Variants in VPS13A observed in about 807,000 individuals in gnomAD.
VPS13A encodes the protein intermembrane lipid transfer protein VPS13A.
VPS13A carries 264 observed loss-of-function variants against 390.9 expected under a neutral mutation model. That is an observed-to-expected ratio of 0.68 (90% confidence interval 0.61 to 0.75). The LOEUF is 0.75. VPS13A is among the 30% of genes least tolerant of loss of function. VPS13A has a pLI of 0.00. For missense variants in VPS13A, 3,409 were observed against 3,733.9 expected (o/e 0.91, Z 2.27); for synonymous variants, 1,231 against 1,227.1 (o/e 1.00, Z -0.07).
chr9:77,253,028 A>T (rs1825230883), intron 22 of VPS13A, among the ~76,000 whole-genome samples: 2 of 152,310 alleles, frequency 1.3e-5, no homozygotes, highest in South Asian at 4.1e-4. Flanking sequence ...ATTATAGTTC[A>T]GTGTTTAAGT....
intron 26 of VPS13A, among the ~76,000 whole-genome samples, chr9:77,279,422 A>C (rs982224774): frequency 1.3e-5 from 2 of 151,730 alleles, no homozygotes; most frequent in Non-Finnish European, 2.9e-5. Context: ...GCCACTCTCC[A>C]CCACTCTTTT....
rs560843158 is a variant in VPS13A, at chr9:77,193,265, C to T, written c.101-6680C>T. Reference sequence around the variant, plus strand: ...TCATTTTACTGGAGTCCTTAAATTCCGTGGATTGGGTTTCAACTTTCTCCC... The same window carrying T: ...TCATTTTACTGGAGTCCTTAAATTCTGTGGATTGGGTTTCAACTTTCTCCC... On this transcript the variant is annotated intron_variant, in intron 1 of 71. Coordinates refer to ENST00000360280, the MANE Select transcript of VPS13A (RefSeq NM_033305.3). Among the ~76,000 whole-genome samples, 14 of 151,706 alleles carry T rather than the reference C, an allele frequency of 9.2e-5. No individual in the cohort carries two copies. The East Asian group carries it at 1.7e-3, about 19-fold the overall frequency.
rs912098322 is a variant in VPS13A, at chr9:77,315,524, G to T, written c.4630+54G>T. The T allele has an allele frequency of 2.0e-6, 3 of 1,527,012 alleles. No individual in the cohort carries two copies. In the African/African-American group the frequency reaches 4.1e-5, roughly 21 times the overall value. The allele number at this position is 1,527,012 out of a possible 1,614,324, so 94.6% of individuals were successfully genotyped here. A position where few individuals can be genotyped will look rare whatever the true frequency, so the allele number is the denominator to read the frequency against. On this transcript the variant is annotated intron_variant, in intron 38 of 71. Transcript: ENST00000360280. ...TTGTTTTATTGAAGTGCTACAACAG[G>T]ACTTAACCTTGATTAGCCTTTTAGA...
intron 67 of VPS13A, among the ~76,000 whole-genome samples, chr9:77,375,400 CATA>C (rs1373877274): frequency 6.6e-6 from 1 of 152,042 alleles, no homozygotes; most frequent in Non-Finnish European, 1.5e-5. Context: ...ATTATTAAAA[CATA>C]ATAAAATGCA....
chr9:77,375,722 A>G (rs529239951), intron 67 of VPS13A, among the ~76,000 whole-genome samples: 2 of 152,346 alleles, frequency 1.3e-5, no homozygotes, highest in Non-Finnish European at 2.9e-5. Flanking sequence ...ACAAAATAAA[A>G]GTAAGTAAAT....
At chr9:77,335,248 C>T (rs1294393713) in intron 46 of VPS13A, among the ~76,000 whole-genome samples, 1 of 152,020 alleles carries the variant, frequency 6.6e-6, no homozygotes, top group Non-Finnish European at 1.5e-5. Flanking sequence ...GAAATGTAAA[C>T]AATGTAATAT....
intron 68 of VPS13A, 99 bp downstream of exon 68, chr9:77,382,186 C>G (rs1833478273): frequency 2.3e-6 from 3 of 1,326,928 alleles, no homozygotes; most frequent in Middle Eastern, 5.1e-4. Flanking sequence ...GGGCTTTTAT[C>G]TATTTTGCTT....
rs532870601 is a variant in VPS13A at position 77,285,921 on chromosome 9, C to A, written c.3339+2271C>A. 4.6e-5 allele frequency among the ~76,000 whole-genome samples: 7 copies of A among 152,252 alleles called. 1 individual carries two copies. In the South Asian group the frequency reaches 1.4e-3, roughly 32 times the overall value. On this transcript the variant is annotated intron_variant, in intron 31 of 71. Coordinates refer to ENST00000360280, the MANE Select transcript of VPS13A (RefSeq NM_033305.3). ...TTGTTGCTATCTTATTTATTCTGTA[C>A]AATTTTCCATAGCCTGTATCTTGCT...
At chr9:77,390,032 TC>T (rs1376350371) in intron 68 of VPS13A, 2 of 980,836 alleles carry the variant, frequency 2.0e-6, no homozygotes, top group Non-Finnish European at 2.4e-6. Context: ...ACGTGGTCTT[TC>T]CCTTTACTTC....
Position 77,315,430 on chromosome 9 carries a change from T to C in VPS13A, c.4590T>C (p.Ala1530=), listed in dbSNP as rs141940484. Residue 1530 remains alanine, a synonymous_variant, in exon 38 of 72, where the codon GCT becomes GCC. Transcript: ENST00000360280. ...VFLEAYTTGT[A]VETSVQTWTA... ...TTGAGGCCTACACCACAGGCACTGC[T>C]GTAGAAACCAGTGTGCAAACATGGA... 2 of 1,613,982 alleles carry C rather than the reference T, an allele frequency of 1.2e-6. No individual in the cohort carries two copies. The highest frequency in any genetic ancestry group is 1.1e-5 in the South Asian group (1 of 91,080).
intron 68 of VPS13A, chr9:77,385,042 G>A (rs1833621617): frequency 3.9e-6 from 4 of 1,014,364 alleles, no homozygotes; most frequent in Admixed American, 5.4e-5. Flanking sequence ...TTTTTTAATG[G>A]TCTCTGTAAA....
In VPS13A at chr9:77,416,662, A is replaced by G. The variant is rs755802299; in HGVS notation, c.*656A>G. The G allele has an allele frequency of 6.6e-6, 1 of 152,500 alleles. No homozygotes were observed. Among genetic ancestry groups the G allele is most frequent in the Non-Finnish European group, 1.5e-5 (1 of 68,052 alleles). 9.4% of individuals were successfully genotyped at this position (152,500 alleles called of 1,614,324 possible). ...CCTCCCCTTAAGAAACCTTAAAGAA[A>G]TAAGTATCCTACTCAAAAAAGGAAG... On this transcript the variant is annotated 3_prime_UTR_variant, in exon 72 of 72. Transcript: ENST00000360280.
intron 46 of VPS13A, among the ~76,000 whole-genome samples, chr9:77,333,493 G>A (rs917769263): frequency 6.8e-5 from 10 of 147,298 alleles, no homozygotes; most frequent in Admixed American, 2.1e-4. Context: ...GTGCAATGGC[G>A]GGATCTCAGC....
At chr9:77,358,878 C>T (rs1466669358) in intron 57 of VPS13A, among the ~76,000 whole-genome samples, 3 of 152,080 alleles carry the variant, frequency 2.0e-5, no homozygotes, top group African/African-American at 7.2e-5. Context: ...CTTCCCCCTA[C>T]TTTCTCTTCC....
chr9:77,279,325 A>T (rs1268994995), intron 26 of VPS13A, among the ~76,000 whole-genome samples: 1 of 152,066 alleles, frequency 6.6e-6, no homozygotes, highest in Non-Finnish European at 1.5e-5. Context: ...CTCTTCACTG[A>T]CAGCCCCTAG....
At chr9:77,187,385 C>T (rs1824401646) in intron 1 of VPS13A, among the ~76,000 whole-genome samples, 1 of 152,182 alleles carries the variant, frequency 6.6e-6, no homozygotes, top group African/African-American at 2.4e-5. Flanking sequence ...CACATCCTCA[C>T]CAACATTTAT....
At chr9:77,405,758 T>C (rs1028944643) in intron 69 of VPS13A, 106 bp from the exon 70 acceptor site, 22 of 1,380,780 alleles carry the variant, frequency 1.6e-5, no homozygotes, top group Non-Finnish European at 2.0e-5. Flanking sequence ...ATAGTCTATG[T>C]TGATGAATAT....
rs1020956426 is a variant in VPS13A at position 77,204,404 on chromosome 9, G to C, written c.188-909G>C. Among the ~76,000 whole-genome samples the C allele has an allele frequency of 1.2e-4, 18 of 151,862 alleles. No individual in the cohort carries two copies. The South Asian group carries it at 1.2e-3, about 11-fold the overall frequency. ...CTTACGCTTAAAAAAAAAATTCTTT[G>C]CTGTTTGATTTTCTTAGGATGTTTT... On this transcript the variant is annotated intron_variant, in intron 3 of 71. Transcript: ENST00000360280.
At chr9:77,248,620 C>T (rs1459141201) in intron 20 of VPS13A, among the ~76,000 whole-genome samples, 1 of 152,082 alleles carries the variant, frequency 6.6e-6, no homozygotes, top group Non-Finnish European at 1.5e-5. Context: ...GTACCCACTT[C>T]CCAGCCACAT....
Sources: gnomAD v4.1 joint callset for allele counts (sites outside exome capture counted in the v4.1 genomes callset) on GRCh38, gnomAD v4.1.1 for gene constraint, MANE v1.5 for transcripts, NCBI Gene and HGNC (gene_info 2026-07-23, HGNC 2026-07-21) for gene names.